Variants in FRMPD4 observed in about 807,000 individuals in gnomAD.
FRMPD4 encodes FERM and PDZ domain containing 4.
In FRMPD4, 22 loss-of-function variants were observed where a neutral mutation model predicts 94.1. The ratio of observed to expected loss-of-function variants is 0.23; its 90% CI spans 0.17 to 0.33. The LOEUF (loss-of-function observed/expected upper bound fraction) is 0.33. Ranked by LOEUF, FRMPD4 falls within the 10% of genes least tolerant of loss-of-function variation. The pLI is 1.00. For missense variants in FRMPD4, 1,111 were observed against 1,339.9 expected, an observed-to-expected ratio of 0.83 and a Z score of 2.67; for synonymous variants, 631 against 548.6, an observed-to-expected ratio of 1.15 and a Z score of -2.10.
At chrX:12,354,776 C>A (rs1156378991) in intron 1 of FRMPD4, among the ~76,000 whole-genome samples, 1 of 111,948 alleles carries the variant, frequency 8.9e-6, no homozygotes, top group Non-Finnish European at 1.9e-5. Flanking sequence ...TGTTGAAGAA[C>A]ACATTAAAGG....
At chrX:12,211,202 C>A (rs764335780) in intron 1 of FRMPD4, among the ~76,000 whole-genome samples, 1 of 110,671 alleles carries the variant, frequency 9.0e-6, no homozygotes, top group Non-Finnish European at 1.9e-5. Flanking sequence ...CCTCTCAATA[C>A]CTGAATTTTC....
intron 9 of FRMPD4, among the ~76,000 whole-genome samples, chrX:12,694,794 G>T (rs1278099288): frequency 9.0e-6 from 1 of 111,524 alleles, no homozygotes; most frequent in East Asian, 2.8e-4. Flanking sequence ...TAAACCATAT[G>T]AAGGTCAATT....
intron 3 of FRMPD4, among the ~76,000 whole-genome samples, chrX:12,121,454 CACAA>C (rs1005188845): frequency 1.8e-5 from 2 of 112,014 alleles, no homozygotes; most frequent in African/African-American, 6.5e-5. Flanking sequence ...ATATAATTCA[CACAA>C]ACAAAAGATT....
chrX:12,650,729 A>G (rs2059588346), intron 4 of FRMPD4, among the ~76,000 whole-genome samples: 1 of 112,641 alleles, frequency 8.9e-6, no homozygotes, highest in Admixed American at 9.4e-5. Context: ...CTAAAAAGTT[A>G]TTTTCCCCAA....
chrX:12,138,782 C>T lies in FRMPD4; in HGVS notation c.-190C>T, dbSNP rs2055640152. The T allele has an allele frequency of 5.5e-6, 2 of 360,830 alleles. No homozygotes were observed. Among genetic ancestry groups the T allele is most frequent in the Admixed American group, 4.8e-5 (1 of 20,651 alleles). The allele number at this position is 360,830 out of a possible 1,213,427, so 29.7% of individuals were successfully genotyped here. Reference sequence around the variant, plus strand: ...CCTGCTCGGGGATGCACACGCAGCTCGCGGCCGGAGGGGGGTAGCAGCCGC... The same window carrying T: ...CCTGCTCGGGGATGCACACGCAGCTTGCGGCCGGAGGGGGGTAGCAGCCGC... On this transcript the variant is annotated 5_prime_UTR_variant, in exon 1 of 17. Transcript: ENST00000675598.
intron 3 of FRMPD4, among the ~76,000 whole-genome samples, chrX:11,952,688 C>T (rs2054231227): frequency 8.9e-6 from 1 of 111,772 alleles, no homozygotes; most frequent in African/African-American, 3.3e-5. Flanking sequence ...CATCACCCAC[C>T]CACATTCGAT....
At position 12,636,324 on chromosome X, in the gene FRMPD4, G is replaced by C. The variant is rs1447837672; in HGVS notation, c.422+21443G>C. On this transcript the variant is annotated intron_variant, in intron 4 of 16. Transcript: ENST00000675598. ...TTTTTAAAGTTTTTTGTCCTATAGC[G>C]ATTTCCACAGCCTGGATTTTGCTGA... Among the ~76,000 whole-genome samples the C allele has an allele frequency of 6.3e-5, 7 of 110,760 alleles. No homozygotes were observed. The Admixed American group carries it at 6.7e-4, about 11-fold the overall frequency.
intron 4 of FRMPD4, among the ~76,000 whole-genome samples, 166 bp from the exon 5 acceptor site, chrX:12,674,697 T>C (rs1299004733): frequency 8.9e-6 from 1 of 112,329 alleles, no homozygotes; most frequent in Non-Finnish European, 1.9e-5. Context: ...ATTTTGGCTT[T>C]TGTGTGGTCT....
chrX:12,475,563 C>G (rs1403028861), intron 1 of FRMPD4, among the ~76,000 whole-genome samples: 3 of 111,699 alleles, frequency 2.7e-5, no homozygotes, highest in Non-Finnish European at 5.6e-5. Flanking sequence ...TTTAGAAAAC[C>G]CCATCATCTC....
chrX:12,682,033 G>A (rs2059977958), intron 5 of FRMPD4, among the ~76,000 whole-genome samples: 1 of 111,463 alleles, frequency 9.0e-6, no homozygotes, highest in African/African-American at 3.3e-5. Flanking sequence ...TCTGGACATT[G>A]CCTGTAAGTG....
chrX:12,031,483 G>T (rs1313941794), intron 3 of FRMPD4, among the ~76,000 whole-genome samples: 6 of 111,772 alleles, frequency 5.4e-5, no homozygotes, highest in Non-Finnish European at 1.1e-4. Context: ...AAGCTGAGGA[G>T]TCAAGGTTTT....
At chrX:12,633,821 C>T in intron 4 of FRMPD4, among the ~76,000 whole-genome samples, 1 of 112,233 alleles carries the variant, frequency 8.9e-6, no homozygotes, top group Non-Finnish European at 1.9e-5. Flanking sequence ...CACTTATTCA[C>T]ATTTGATGTA....
At chrX:12,126,383 A>T (rs1363390210) in intron 3 of FRMPD4, among the ~76,000 whole-genome samples, 1 of 112,353 alleles carries the variant, frequency 8.9e-6, no homozygotes, top group Non-Finnish European at 1.9e-5. Context: ...TTCCGTGGGA[A>T]GAAACGGATC....
At chrX:11,961,398 G>A (rs1179445946) in intron 3 of FRMPD4, among the ~76,000 whole-genome samples, 3 of 112,381 alleles carry the variant, frequency 2.7e-5, no homozygotes, top group Non-Finnish European at 5.6e-5. Context: ...GGGATGGAAA[G>A]TTGATTCTTC....
At chrX:12,545,126 C>T (rs899580256) in intron 2 of FRMPD4, among the ~76,000 whole-genome samples, 5 of 111,995 alleles carry the variant, frequency 4.5e-5, no homozygotes, top group African/African-American at 1.3e-4. Context: ...TGTTAGCACA[C>T]GGAATTGCAG....
chrX:12,165,062 C>G (rs1049923939), intron 1 of FRMPD4, among the ~76,000 whole-genome samples: 2 of 111,419 alleles, frequency 1.8e-5, no homozygotes, highest in African/African-American at 6.5e-5. Flanking sequence ...AATTAGATCC[C>G]ATTTGTCAAT....
At chrX:12,199,267 G>GTGTGTGTGTGTA (rs59345526) in intron 1 of FRMPD4, among the ~76,000 whole-genome samples, 12 of 99,882 alleles carry the variant, frequency 1.2e-4, no homozygotes, top group African/African-American at 4.9e-4. Flanking sequence ...GTGTGTGTGT[G>GTGTGTGTGTGTA]TGTATGTGTG....
In FRMPD4 at chrX:11,886,672, C is replaced by T. The variant is rs185411511; in HGVS notation, c.95+8654C>T. Among the ~76,000 whole-genome samples the T allele has an allele frequency of 7.2e-5, 8 of 111,765 alleles. No individual in the cohort carries two copies. The Admixed American group carries it at 7.6e-4, about 11-fold the overall frequency. On this transcript the variant is annotated intron_variant, in intron 3 of 18. Coordinates refer to the FRMPD4 transcript ENST00000640291. ...CCCCTTCCTAAAACAGAACTCAAACCCCTAAAGTGAAGAAGGTGCTCACAT... is the reference window on the plus strand; with the variant it reads ...CCCCTTCCTAAAACAGAACTCAAACTCCTAAAGTGAAGAAGGTGCTCACAT...
intron 1 of FRMPD4, among the ~76,000 whole-genome samples, chrX:12,394,519 T>C (rs1045926501): frequency 2.7e-5 from 3 of 111,791 alleles, no homozygotes; most frequent in Non-Finnish European, 5.6e-5. Flanking sequence ...TGCTATTTCC[T>C]GGCCTTTTTG....
Sources: gnomAD v4.1 joint callset for allele counts (sites outside exome capture counted in the v4.1 genomes callset) on GRCh38, gnomAD v4.1.1 for gene constraint, MANE v1.5 for transcripts, NCBI Gene and HGNC (gene_info 2026-07-23, HGNC 2026-07-21) for gene names.